ZNF264: variants seen among roughly 807,000 people sequenced by gnomAD.
ZNF264 encodes zinc finger protein 264.
A neutral mutation model predicts 11.2 loss-of-function variants in ZNF264; 11 were observed. The ratio of observed to expected loss-of-function variants is 0.98; its 90% CI spans 0.62 to 1.63. ZNF264 has a LOEUF of 1.63. ZNF264 is among the 40% of genes most tolerant of loss of function. The pLI is 0.00. For missense variants in ZNF264, 752 were observed against 768.1 expected (o/e 0.98, Z 0.25); for synonymous variants, 309 against 279.8 (o/e 1.10, Z -1.04).
chr19:57,198,290 G>A (rs1010609786), intron 2 of ZNF264, among the ~76,000 whole-genome samples: 13 of 151,974 alleles, frequency 8.6e-5, no homozygotes, highest in African/African-American at 3.2e-4. Context: ...TCTAAGATCC[G>A]TCTGTCTTCT....
chr19:57,213,011 T>G lies in ZNF264; in HGVS notation c.*30T>G. On this transcript the variant is annotated 3_prime_UTR_variant, in exon 4 of 4. Coordinates refer to ENST00000263095, the MANE Select transcript of ZNF264 (RefSeq NM_003417.5). ...ACCTTCTGTTGCTGAATATTACTTG[T>G]CATCTGAAGAGTCATATTAGAAATT... 1 of 1,575,922 alleles carries G rather than the reference T, an allele frequency of 6.3e-7. No homozygotes were observed. Among genetic ancestry groups the G allele is most frequent in the Non-Finnish European group, 8.6e-7 (1 of 1,160,360 alleles).
At chr19:57,207,782 A>G (rs571285133) in intron 3 of ZNF264, among the ~76,000 whole-genome samples, 2 of 150,878 alleles carry the variant, frequency 1.3e-5, no homozygotes, top group Non-Finnish European at 2.9e-5. Flanking sequence ...GCGGGAGTAC[A>G]ATGGCGCAAT....
intron 3 of ZNF264, among the ~76,000 whole-genome samples, chr19:57,207,926 A>T (rs903048455): frequency 1.3e-5 from 2 of 152,042 alleles, no homozygotes; most frequent in African/African-American, 4.8e-5. Context: ...GGGTTTCACC[A>T]TGTTGGCCAG....
Position 57,213,363 on chromosome 19 carries a change from TAG to T in ZNF264, c.*383_*384del. 5.9e-6 allele frequency: 1 copy of T among 170,434 alleles called. No individual in the cohort carries two copies. Among genetic ancestry groups the T allele is most frequent in the South Asian group, 1.5e-4 (1 of 6,856 alleles). The allele number at this position is 170,434 out of a possible 1,614,324, so 10.6% of individuals were successfully genotyped here. A position where few individuals can be genotyped will look rare whatever the true frequency, so the allele number is the denominator to read the frequency against. ...TATTGCTATCCAGTGTCAGAACAGT[TAG>T]TTTAGGAAAAGTATGCAAACTTTAA... On this transcript the variant is annotated 3_prime_UTR_variant, in exon 4 of 4. Coordinates refer to ENST00000263095, the MANE Select transcript of ZNF264 (RefSeq NM_003417.5).
rs1437392947 is a variant in ZNF264 at position 57,214,526 on chromosome 19, A to AT, written c.*1551dup. On this transcript the variant is annotated 3_prime_UTR_variant, in exon 4 of 4. Transcript: ENST00000263095. ...ACCACCAGTCCCAGCTAATTTTTGT[A>AT]TTTTTTGGTAGAGACAGGGTTTCAC... 6.6e-6 allele frequency: 1 copy of AT among 151,324 alleles called. No individual in the cohort carries two copies. The highest frequency in any genetic ancestry group is 1.5e-5 in the Non-Finnish European group (1 of 67,880). The allele number at this position is 151,324 out of a possible 1,614,324, so 9.4% of individuals were successfully genotyped here. A position where few individuals can be genotyped will look rare whatever the true frequency, so the allele number is the denominator to read the frequency against.
In ZNF264 at chr19:57,212,969, G is replaced by A. The variant is rs1006761706; in HGVS notation, c.1872G>A (p.Val624=). The part of the protein sequence containing the change: ...DQPYQRETPQ[V]SSL The stretch of plus-strand genomic sequence containing the variant: ...CATACCAAAGAGAAACCCCACAAGT[G>A]TCTTCACTGTGAGAAAACCTTCTGT... Residue 624 remains valine (V), a synonymous_variant, in exon 4 of 4, where the codon GTG becomes GTA. Coordinates refer to ENST00000263095, the MANE Select transcript of ZNF264 (RefSeq NM_003417.5). 1 of 1,604,134 alleles carries A rather than the reference G, an allele frequency of 6.2e-7. No individual in the cohort carries two copies. The highest frequency in any genetic ancestry group is 1.7e-5 in the Admixed American group (1 of 58,388).
intron 1 of ZNF264, chr19:57,193,476 G>C: frequency 4.1e-6 from 4 of 985,396 alleles, no homozygotes; most frequent in African/African-American, 1.7e-5. Context: ...TCTAGTCACT[G>C]TGTTTACACA....
In ZNF264 at chr19:57,215,361, C is replaced by T. The variant is rs1201588011; in HGVS notation, c.*2380C>T. On this transcript the variant is annotated 3_prime_UTR_variant, in exon 4 of 4. Transcript: ENST00000263095. ...TATTCTTTTGATAGCAGGATCTGCACTTCTTTTTATTTTTAATATTTAAAA... is the reference window on the plus strand; with the variant it reads ...TATTCTTTTGATAGCAGGATCTGCATTTCTTTTTATTTTTAATATTTAAAA... 6.6e-6 allele frequency: 1 copy of T among 152,138 alleles called. No individual in the cohort carries two copies. Among genetic ancestry groups the T allele is most frequent in the African/African-American group, 2.4e-5 (1 of 41,420 alleles). 9.4% of individuals were successfully genotyped at this position (152,138 alleles called of 1,614,324 possible).
At position 57,196,159 on chromosome 19, in the gene ZNF264, G is replaced by A. The variant is rs565510318; in HGVS notation, c.160+2158G>A. Among the ~76,000 whole-genome samples the A allele has an allele frequency of 1.5e-4, 23 of 151,996 alleles. 2 individuals carry two copies. Among genetic ancestry groups the A allele is most frequent in the African/African-American group, 5.3e-4 (22 of 41,276 alleles). On this transcript the variant is annotated intron_variant, in intron 2 of 3. Coordinates refer to ENST00000263095, the MANE Select transcript of ZNF264 (RefSeq NM_003417.5). ...AATCCAGTTGCTTCAGGACTATGGG[G>A]AACATGGTAAGATCAGTGAATTCTG...
intron 2 of ZNF264, among the ~76,000 whole-genome samples, chr19:57,196,967 T>G (rs1358476902): frequency 6.6e-6 from 1 of 151,978 alleles, no homozygotes; most frequent in Non-Finnish European, 1.5e-5. Context: ...CTGGGAAATT[T>G]CCCTTCGCCA....
intron 3 of ZNF264, among the ~76,000 whole-genome samples, chr19:57,207,545 C>CTTT (rs757880568): frequency 1.6e-4 from 16 of 103,082 alleles, no homozygotes; most frequent in East Asian, 7.9e-4. Flanking sequence ...TTTTTCTTTT[C>CTTT]TTTTTTTTTT....
At chr19:57,198,723 C>G (rs1334369333) in intron 2 of ZNF264, among the ~76,000 whole-genome samples, 1 of 151,876 alleles carries the variant, frequency 6.6e-6, no homozygotes, top group Non-Finnish European at 1.5e-5. Flanking sequence ...AGCCAGTGTC[C>G]TGTAGTCCCC....
chr19:57,206,749 T>A (rs1272948168), intron 3 of ZNF264, among the ~76,000 whole-genome samples: 1 of 151,456 alleles, frequency 6.6e-6, no homozygotes, highest in African/African-American at 2.4e-5. Context: ...ATTCTGCCTA[T>A]CAGCCTCTCC....
At chr19:57,193,723 C>T in intron 1 of ZNF264, 152 bp from the exon 2 acceptor site, 4 of 1,187,394 alleles carry the variant, frequency 3.4e-6, no homozygotes, top group East Asian at 5.2e-5. Flanking sequence ...AAGCATCTAT[C>T]TTCCCTCTTG....
chr19:57,193,956 T>C lies in ZNF264; in HGVS notation c.115T>C (p.Tyr39His). The C allele has an allele frequency of 6.2e-7, 1 of 1,613,756 alleles. No individual in the cohort carries two copies. ...GQLDLAQRTL[Y>H]QEVMLENCGL... ...GCTGGACCTAGCTCAGCGGACCCTG[T>C]ACCAGGAGGTGATGCTGGAAAACTG... The change falls in exon 2 of 4, where the codon TAC becomes CAC. Residue 39 changes from tyrosine to histidine, a missense_variant. Physicochemically the swap from Tyr to His is moderately conservative, Grantham distance 83. Transcript: ENST00000263095.
chr19:57,212,043 G>T lies in ZNF264; in HGVS notation c.946G>T (p.Val316Leu), dbSNP rs955203835. ...GAGACACACTGGAGAAAAATCCTTT[G>T]TGTGCACAGAATGTGGCCAAGTCTT... ...NRRHTGEKSF[V>L]CTECGQVFRH... The change falls in exon 4 of 4, where the codon GTG becomes TTG. Residue 316 changes from valine (V) to leucine (L), a missense_variant. By Grantham distance (32) the Val-to-Leu change is conservative (BLOSUM62 1). Coordinates refer to ENST00000263095, the MANE Select transcript of ZNF264 (RefSeq NM_003417.5). 1 of 1,613,988 alleles carries T rather than the reference G, an allele frequency of 6.2e-7. No individual in the cohort carries two copies. The highest frequency in any genetic ancestry group is 1.1e-5 in the South Asian group (1 of 91,062).
intron 2 of ZNF264, 105 bp from the exon 3 acceptor site, chr19:57,205,292 C>T: frequency 9.4e-7 from 1 of 1,062,474 alleles, no homozygotes; most frequent in Non-Finnish European, 1.4e-6. Flanking sequence ...ACAGGAGCAG[C>T]TTCACTCCAA....
Position 57,213,295 on chromosome 19 carries a change from C to G in ZNF264, c.*314C>G, listed in dbSNP as rs1403402013. On this transcript the variant is annotated 3_prime_UTR_variant, in exon 4 of 4. Coordinates refer to ENST00000263095, the MANE Select transcript of ZNF264 (RefSeq NM_003417.5). ...TGTATTTGGGGGAAGGGAAATGTTT[C>G]AAGGTAAAGAACCTTGACCCTTTAT... is the stretch of plus-strand genomic sequence containing the variant. 1 of 238,208 alleles carries G rather than the reference C, an allele frequency of 4.2e-6. No homozygotes were observed. Among genetic ancestry groups the G allele is most frequent in the African/African-American group, 2.2e-5 (1 of 44,738 alleles). The allele number at this position is 238,208 out of a possible 1,614,324, so 14.8% of individuals were successfully genotyped here.
At chr19:57,200,584 T>C (rs1361986674) in intron 2 of ZNF264, among the ~76,000 whole-genome samples, 1 of 151,350 alleles carries the variant, frequency 6.6e-6, no homozygotes, top group Non-Finnish European at 1.5e-5. Flanking sequence ...TCTTGTCTTG[T>C]CTTGTCTTGT....
Sources: allele counts gnomAD v4.1 joint callset (sites outside exome capture counted in the v4.1 genomes callset), GRCh38; gene constraint gnomAD v4.1.1; transcripts MANE v1.5; gene names NCBI Gene and HGNC (gene_info 2026-07-23, HGNC 2026-07-21).